Variants in MGAT4A observed in about 807,000 individuals in gnomAD.
The protein encoded by MGAT4A is N-acetylglucosaminyltransferase IVa.
Under a neutral mutation model 74.1 loss-of-function variants are expected in MGAT4A, and 33 were observed. The observed-to-expected ratio is 0.45, with a 90% CI of 0.34 to 0.60. The LOEUF (loss-of-function observed/expected upper bound fraction) is 0.60. MGAT4A is among the 20% of genes least tolerant of loss of function. MGAT4A has a pLI of 0.02. For synonymous variants in MGAT4A, 198 were observed against 210.4 expected (o/e 0.94, Z 0.51); for missense variants, 479 against 628.3 (o/e 0.76, Z 2.54).
chr2:98,716,818 A>T (rs1343926179), intron 2 of MGAT4A, among the ~76,000 whole-genome samples: 2 of 152,198 alleles, frequency 1.3e-5, no homozygotes, highest in Admixed American at 1.3e-4. Context: ...TATACTTTAA[A>T]TCATCTCTAG....
chr2:98,728,955 T>C (rs1380677085), intron 1 of MGAT4A, among the ~76,000 whole-genome samples: 1 of 152,176 alleles, frequency 6.6e-6, no homozygotes, highest in Non-Finnish European at 1.5e-5. Context: ...AATTTTGTTC[T>C]AGTAAAAGAT....
chr2:98,631,935 C>T (rs1036386237), intron 14 of MGAT4A, among the ~76,000 whole-genome samples: 4 of 151,906 alleles, frequency 2.6e-5, no homozygotes, highest in Non-Finnish European at 5.9e-5. Flanking sequence ...CATGGCGAAA[C>T]CCCGCCTCTA....
At chr2:98,708,473 G>GA (rs1421545532) in intron 2 of MGAT4A, among the ~76,000 whole-genome samples, 11 of 149,968 alleles carry the variant, frequency 7.3e-5, no homozygotes, top group East Asian at 1.9e-4. Context: ...ATTATTTCTA[G>GA]AAAAAAAAAG....
At chr2:98,670,634 CT>C (rs2104281380) in intron 4 of MGAT4A, among the ~76,000 whole-genome samples, 1 of 152,190 alleles carries the variant, frequency 6.6e-6, no homozygotes, top group Non-Finnish European at 1.5e-5. Context: ...ATCATGTTTC[CT>C]TATGGTTTCA....
chr2:98,714,983 T>A (rs1359244612), intron 2 of MGAT4A, among the ~76,000 whole-genome samples: 2 of 151,952 alleles, frequency 1.3e-5, no homozygotes, highest in Non-Finnish European at 2.9e-5. Flanking sequence ...TAAATAAATA[T>A]CCATGAGTTC....
intron 2 of MGAT4A, among the ~76,000 whole-genome samples, chr2:98,697,194 A>G (rs1430603011): frequency 6.6e-6 from 1 of 152,248 alleles, no homozygotes; most frequent in African/African-American, 2.4e-5. Flanking sequence ...GTTGGCACCC[A>G]TGCCATGGAA....
At chr2:98,696,775 G>A (rs1245968558) in intron 2 of MGAT4A, among the ~76,000 whole-genome samples, 1 of 152,154 alleles carries the variant, frequency 6.6e-6, no homozygotes, top group East Asian at 1.9e-4. Flanking sequence ...CTATGAAACA[G>A]CAGAGGAACA....
chr2:98,675,422 G>A (rs776712435), intron 3 of MGAT4A, among the ~76,000 whole-genome samples: 2 of 152,160 alleles, frequency 1.3e-5, no homozygotes, highest in Admixed American at 6.5e-5. Context: ...CCGTAAGAAG[G>A]TGGGATGCTA....
At chr2:98,729,212 ATACT>A (rs1283621725) in intron 1 of MGAT4A, among the ~76,000 whole-genome samples, 1 of 152,104 alleles carries the variant, frequency 6.6e-6, no homozygotes, top group Non-Finnish European at 1.5e-5. Context: ...AACTCTGAAG[ATACT>A]TACAATAAAT....
chr2:98,635,338 C>T (rs1295946980), intron 13 of MGAT4A, 50 bp from the exon 14 acceptor site: 5 of 1,374,208 alleles, frequency 3.6e-6, no homozygotes, highest in Non-Finnish European at 1.0e-6. Flanking sequence ...TTCTATTTAA[C>T]CTAAGTTATT....
At chr2:98,718,604 T>G (rs1702621393) in intron 2 of MGAT4A, among the ~76,000 whole-genome samples, 1 of 152,218 alleles carries the variant, frequency 6.6e-6, no homozygotes, top group African/African-American at 2.4e-5. Flanking sequence ...GGGCTCCCTT[T>G]GCTCTCCAGC....
At chr2:98,672,660 T>C (rs1701927097) in intron 4 of MGAT4A, among the ~76,000 whole-genome samples, 1 of 152,230 alleles carries the variant, frequency 6.6e-6, no homozygotes, top group African/African-American at 2.4e-5. Context: ...ACATTAAAAC[T>C]TTTGTCTACT....
intron 2 of MGAT4A, among the ~76,000 whole-genome samples, chr2:98,724,102 C>A (rs998142013): frequency 7.9e-5 from 12 of 152,162 alleles, no homozygotes; most frequent in African/African-American, 2.9e-4. Context: ...AGTCCCTGAG[C>A]TGCTCAAAGG....
intron 2 of MGAT4A, among the ~76,000 whole-genome samples, chr2:98,686,000 GTT>G (rs2104297769): frequency 6.6e-6 from 1 of 152,264 alleles, no homozygotes; most frequent in South Asian, 2.1e-4. Flanking sequence ...CAGGTTAAGG[GTT>G]CCAGGGACAG....
chr2:98,649,140 C>T (rs1701538887), intron 8 of MGAT4A, among the ~76,000 whole-genome samples: 1 of 152,182 alleles, frequency 6.6e-6, no homozygotes, highest in African/African-American at 2.4e-5. Context: ...AATAACAGGA[C>T]TTCAAGAAGG....
chr2:98,714,142 C>T (rs1702558548), intron 2 of MGAT4A, among the ~76,000 whole-genome samples: 1 of 152,130 alleles, frequency 6.6e-6, no homozygotes, highest in South Asian at 2.1e-4. Flanking sequence ...GGCTGGAGTG[C>T]AGTGGCGCGA....
intron 8 of MGAT4A, among the ~76,000 whole-genome samples, chr2:98,655,170 G>A (rs990603102): frequency 6.6e-5 from 10 of 152,138 alleles, no homozygotes; most frequent in African/African-American, 2.2e-4. Flanking sequence ...AGAGAGGGAA[G>A]AGGGAAGAGA....
At chr2:98,717,201 G>A (rs1265302445) in intron 2 of MGAT4A, among the ~76,000 whole-genome samples, 1 of 152,114 alleles carries the variant, frequency 6.6e-6, no homozygotes, top group Non-Finnish European at 1.5e-5. Context: ...CCAACATGGT[G>A]AAACCCCATC....
intron 2 of MGAT4A, among the ~76,000 whole-genome samples, chr2:98,689,699 T>A (rs1002970164): frequency 2.0e-5 from 3 of 152,114 alleles, no homozygotes; most frequent in African/African-American, 4.8e-5. Context: ...GGCAGACGCC[T>A]GTAGTCCCAG....
Sources: allele counts gnomAD v4.1 joint callset (sites outside exome capture counted in the v4.1 genomes callset), GRCh38; gene constraint gnomAD v4.1.1; transcripts MANE v1.5; gene names NCBI Gene and HGNC (gene_info 2026-07-23, HGNC 2026-07-21).